Variants in MYL10 observed in about 807,000 individuals in gnomAD.
MYL10 encodes the protein myosin regulatory light chain 10.
A neutral mutation model predicts 21.9 loss-of-function variants in MYL10; 18 were observed. The ratio of observed to expected loss-of-function variants is 0.82; its 90% CI spans 0.57 to 1.22. The LOEUF (loss-of-function observed/expected upper bound fraction) is 1.22, where lower values mean the gene tolerates loss of function less well. MYL10 is among the 50% of genes most tolerant of loss of function. The pLI is 0.00. For synonymous variants in MYL10, 88 were observed against 82.8 expected (o/e 1.06, Z -0.34); for missense variants, 225 against 230.4 (o/e 0.98, Z 0.15).
intron 1 of MYL10, among the ~76,000 whole-genome samples, chr7:101,625,083 G>A (rs1448217169): frequency 6.6e-6 from 1 of 152,178 alleles, no homozygotes; most frequent in Non-Finnish European, 1.5e-5. Context: ...TCCCCACCCT[G>A]AACCTGGCTC....
In MYL10 at chr7:101,622,071, C is replaced by T. The variant is rs768501186; in HGVS notation, c.454+25G>A. ...CCCCCTGCCATTCCCTGCTGCCCCT[C>T]CAGGACTCCAGGAGCCTGGCTCACC... On this transcript the variant is annotated intron_variant, in intron 5 of 7. Transcript: ENST00000223167. 3.2e-6 allele frequency: 5 copies of T among 1,586,930 alleles called. No individual in the cohort carries two copies. In the South Asian group the frequency reaches 3.3e-5, roughly 11 times the overall value.
intron 1 of MYL10, among the ~76,000 whole-genome samples, 186 bp from the exon 2 acceptor site, chr7:101,624,450 G>A (rs924191118): frequency 2.6e-5 from 4 of 152,168 alleles, no homozygotes; most frequent in African/African-American, 7.2e-5. Flanking sequence ...CCAGCCCATG[G>A]CAAGAAGCCT....
intron 1 of MYL10, among the ~76,000 whole-genome samples, chr7:101,628,099 G>C (rs1293880115): frequency 6.6e-6 from 1 of 152,202 alleles, no homozygotes; most frequent in Non-Finnish European, 1.5e-5. Flanking sequence ...GCACCCCCAG[G>C]CCAGGGGACC....
At chr7:101,615,659 C>T (rs911869536) in intron 6 of MYL10, among the ~76,000 whole-genome samples, 9 of 148,808 alleles carry the variant, frequency 6.0e-5, no homozygotes, top group African/African-American at 1.7e-4. Context: ...CACACCCACC[C>T]CACTAGGAAG....
chr7:101,613,644 AC>A lies in MYL10; in HGVS notation c.582+17del. 1.2e-6 allele frequency: 2 copies of A among 1,614,040 alleles called. No homozygotes were observed. Among genetic ancestry groups the A allele is most frequent in the Non-Finnish European group, 1.7e-6 (2 of 1,179,966 alleles). On this transcript the variant is annotated intron_variant, in intron 7 of 7. Coordinates refer to ENST00000223167, the MANE Select transcript of MYL10 (RefSeq NM_138403.5). The stretch of plus-strand genomic sequence containing the variant: ...CAGAGCAGAGAATCCGCCGTGACCC[AC>A]CAGAATCCCAGTTTACCTCCTCCTC...
At chr7:101,626,235 A>G (rs7799319) in intron 1 of MYL10, among the ~76,000 whole-genome samples, 148,837 of 152,252 alleles carry the variant, frequency 0.98, 72,769 homozygotes, top group East Asian at 1. Flanking sequence ...AGAGCAGGTC[A>G]ACCTCAAAGC....
rs1269277673 is a variant in MYL10, at chr7:101,622,152, G to T, written c.398C>A (p.Ala133Asp). Reference sequence around the variant, plus strand: ...CACCGTGAAGTTGATGGGTCCGGGGGCCTCCTTCACCATGGCCTCCAGTTC... The same window carrying T: ...CACCGTGAAGTTGATGGGTCCGGGGTCCTCCTTCACCATGGCCTCCAGTTC... ...NEELEAMVKEAPGPINFTVFL... is the reference protein window; with the variant it reads ...NEELEAMVKEDPGPINFTVFL... Residue 133 changes from alanine (A) to aspartate (D), a missense_variant, in exon 5 of 8, where the codon GCC becomes GAC. Ala to Asp is a moderately radical substitution (Grantham distance 126). Transcript: ENST00000223167. 4.3e-6 allele frequency: 7 copies of T among 1,613,314 alleles called. 1 individual carries two copies. The South Asian group carries it at 4.4e-5, about 10-fold the overall frequency.
At chr7:101,615,964 G>A (rs577884976) in intron 6 of MYL10, among the ~76,000 whole-genome samples, 1 of 152,124 alleles carries the variant, frequency 6.6e-6, no homozygotes, top group South Asian at 2.1e-4. Flanking sequence ...TTCCCAAAGT[G>A]CTGAGATTAC....
intron 6 of MYL10, among the ~76,000 whole-genome samples, chr7:101,615,988 C>T (rs912138559): frequency 1.3e-5 from 2 of 152,046 alleles, no homozygotes; most frequent in African/African-American, 2.4e-5. Flanking sequence ...CGTGAGCCAC[C>T]GCGCCCAGCC....
chr7:101,620,807 G>A (rs999305688), intron 5 of MYL10, among the ~76,000 whole-genome samples: 1 of 82,646 alleles, frequency 1.2e-5, no homozygotes, highest in Admixed American at 1.4e-4. Context: ...TTTTTTTTTT[G>A]TAGTGGAGTC....
At chr7:101,619,642 C>A (rs1439938464) in intron 5 of MYL10, among the ~76,000 whole-genome samples, 1 of 152,156 alleles carries the variant, frequency 6.6e-6, no homozygotes, top group African/African-American at 2.4e-5. Context: ...GTAATCCCAG[C>A]ACTTTGGGAG....
chr7:101,627,380 T>G (rs1173404918), intron 1 of MYL10: 1 of 151,380 alleles, frequency 6.6e-6, no homozygotes, highest in African/African-American at 2.4e-5. Context: ...ACCGCAGTGC[T>G]GAAGCCAAAG....
At chr7:101,619,859 C>T (rs1048169598) in intron 5 of MYL10, among the ~76,000 whole-genome samples, 1 of 140,764 alleles carries the variant, frequency 7.1e-6, no homozygotes, top group Non-Finnish European at 1.5e-5. Flanking sequence ...CACTGCACTC[C>T]AGCCTGGGTG....
chr7:101,616,371 G>T (rs1796609972), intron 5 of MYL10, 73 bp from the exon 6 acceptor site: 1 of 1,272,836 alleles, frequency 7.9e-7, no homozygotes, highest in Non-Finnish European at 1.1e-6. Flanking sequence ...ACAAGGCTGG[G>T]CAGGGGCTGG....
chr7:101,621,085 G>A (rs1172981422), intron 5 of MYL10, among the ~76,000 whole-genome samples: 4 of 152,178 alleles, frequency 2.6e-5, no homozygotes, highest in South Asian at 4.2e-4. Context: ...CACCGTGCCC[G>A]GCCTTGGCCC....
chr7:101,615,690 ACTT>A (rs1038480179), intron 6 of MYL10, among the ~76,000 whole-genome samples: 10 of 107,264 alleles, frequency 9.3e-5, no homozygotes, highest in South Asian at 3.2e-4. Context: ...GTGACCCACC[ACTT>A]CTTCTTTTTT....
At chr7:101,624,670 C>A (rs149619628) in intron 1 of MYL10, among the ~76,000 whole-genome samples, 1 of 152,298 alleles carries the variant, frequency 6.6e-6, no homozygotes, top group East Asian at 1.9e-4. Context: ...CTCAGGAGAA[C>A]AACTGCGCTC....
intron 4 of MYL10, 135 bp downstream of exon 4, chr7:101,622,862 A>C: frequency 4.7e-6 from 3 of 636,438 alleles, no homozygotes; most frequent in Non-Finnish European, 5.1e-6. Context: ...CTTTCCAGAC[A>C]GTGGCTGCCT....
intron 1 of MYL10, chr7:101,627,420 G>A (rs72603507): frequency 0.1 from 15,997 of 152,542 alleles, 1,751 homozygotes; most frequent in East Asian, 0.59. Context: ...GAGCTCCCCA[G>A]GGAGGAGGTG....
Sources: allele counts gnomAD v4.1 joint callset (sites outside exome capture counted in the v4.1 genomes callset), GRCh38; gene constraint gnomAD v4.1.1; transcripts MANE v1.5; gene names NCBI Gene and HGNC (gene_info 2026-07-23, HGNC 2026-07-21).